Variants in MEIKIN observed in about 807,000 individuals in gnomAD.
The protein encoded by MEIKIN is meiosis-specific kinetochore protein.
chr5:131,846,350 A>G (rs1750022930), intron 11 of MEIKIN, among the ~76,000 whole-genome samples: 1 of 152,226 alleles, frequency 6.6e-6, no homozygotes, highest in South Asian at 2.1e-4. Flanking sequence ...ATCTAAATAA[A>G]GGCAAATAGA....
intron 12 of MEIKIN, among the ~76,000 whole-genome samples, chr5:131,810,014 A>G (rs531142256): frequency 1.1e-4 from 17 of 152,322 alleles, no homozygotes; most frequent in Admixed American, 5.9e-4. Context: ...CTATTTTACC[A>G]ATTTTACAGA....
intron 8 of MEIKIN, among the ~76,000 whole-genome samples, chr5:131,891,521 C>T (rs1009950793): frequency 2.0e-5 from 3 of 152,192 alleles, no homozygotes; most frequent in Non-Finnish European, 1.5e-5. Flanking sequence ...TCTGTTTTAT[C>T]AGAGACGAGG....
intron 10 of MEIKIN, among the ~76,000 whole-genome samples, chr5:131,853,198 T>C (rs1362343298): frequency 6.6e-6 from 1 of 152,302 alleles, no homozygotes; most frequent in East Asian, 1.9e-4. Flanking sequence ...TATAAATAAA[T>C]AACTACTGCA....
At chr5:131,859,309 C>T (rs10054618) in intron 9 of MEIKIN, among the ~76,000 whole-genome samples, 119,113 of 152,090 alleles carry the variant, frequency 0.78, 46,891 homozygotes, top group African/African-American at 0.83. Context: ...TTTTGGTAGA[C>T]AGTGATGATG....
At chr5:131,828,753 G>A (rs1749658327) in intron 11 of MEIKIN, among the ~76,000 whole-genome samples, 1 of 152,176 alleles carries the variant, frequency 6.6e-6, no homozygotes, top group Admixed American at 6.5e-5. Context: ...TCCATACCAG[G>A]TATGCAACAC....
chr5:131,896,865 C>A (rs1020890815), intron 8 of MEIKIN, among the ~76,000 whole-genome samples: 2 of 152,164 alleles, frequency 1.3e-5, no homozygotes, highest in African/African-American at 4.8e-5. Flanking sequence ...TTAATTGGGG[C>A]ATTTAGCCCA....
chr5:131,908,889 T>C (rs1238923688), intron 8 of MEIKIN, among the ~76,000 whole-genome samples: 2 of 152,050 alleles, frequency 1.3e-5, no homozygotes, highest in African/African-American at 4.8e-5. Context: ...ATCTCTACAA[T>C]GAAAACTATG....
At chr5:131,825,006 G>A (rs879310065) in intron 11 of MEIKIN, among the ~76,000 whole-genome samples, 2 of 151,684 alleles carry the variant, frequency 1.3e-5, no homozygotes, top group Admixed American at 6.6e-5. Context: ...GGTAATATAG[G>A]GAGACTTCAT....
At chr5:131,833,709 A>T (rs1749752981) in intron 11 of MEIKIN, among the ~76,000 whole-genome samples, 2 of 151,814 alleles carry the variant, frequency 1.3e-5, no homozygotes, top group Admixed American at 6.6e-5. Context: ...GGGAAAGACA[A>T]GCCCCCATGA....
chr5:131,833,093 G>A (rs1749742119), intron 11 of MEIKIN, among the ~76,000 whole-genome samples: 1 of 152,146 alleles, frequency 6.6e-6, no homozygotes, highest in Non-Finnish European at 1.5e-5. Flanking sequence ...AAACTGTAAG[G>A]CTGCAAAATT....
chr5:131,835,578 T>C (rs76420459), intron 11 of MEIKIN, among the ~76,000 whole-genome samples: 205 of 152,306 alleles, frequency 1.3e-3, no homozygotes, highest in African/African-American at 4.6e-3. Flanking sequence ...TTCTGTTTCA[T>C]TGGTGTATAT....
rs183891363 is a variant in MEIKIN, at chr5:131,861,107, T to G, written c.775-6273A>C. ...TCTTTTGGTTTTCTAAAAATAAGAA[T>G]AGGCCAAGTGCAGTGGTTCATGCCT... On this transcript the variant is annotated intron_variant, in intron 9 of 12. Transcript: ENST00000442687. Among the ~76,000 whole-genome samples the G allele has an allele frequency of 4.8e-3, 728 of 151,534 alleles. 5 individuals carry two copies. Among genetic ancestry groups the G allele is most frequent in the African/African-American group, 0.017 (690 of 41,326 alleles).
At chr5:131,918,816 T>C (rs1171113771) in intron 6 of MEIKIN, among the ~76,000 whole-genome samples, 4 of 152,216 alleles carry the variant, frequency 2.6e-5, no homozygotes, top group Non-Finnish European at 5.9e-5. Flanking sequence ...TCATTCTTTC[T>C]ACCAGGAACA....
intron 8 of MEIKIN, among the ~76,000 whole-genome samples, chr5:131,908,780 C>T (rs1751286532): frequency 6.6e-6 from 1 of 152,046 alleles, no homozygotes; most frequent in Non-Finnish European, 1.5e-5. Context: ...TTTCATATGC[C>T]AACTGTGAAC....
chr5:131,885,341 A>AAGG (rs1750764493), intron 8 of MEIKIN, among the ~76,000 whole-genome samples: 1 of 61,958 alleles, frequency 1.6e-5, no homozygotes, highest in Admixed American at 2.2e-4. Flanking sequence ...TCAGAACTGA[A>AAGG]AGAGAGAGAG....
At chr5:131,873,862 A>C (rs897365269) in intron 9 of MEIKIN, among the ~76,000 whole-genome samples, 7 of 152,238 alleles carry the variant, frequency 4.6e-5, no homozygotes, top group African/African-American at 1.7e-4. Context: ...ACTCAACTGC[A>C]TGGAAACTGA....
At chr5:131,914,569 A>C (rs1751383902) in intron 7 of MEIKIN, among the ~76,000 whole-genome samples, 1 of 54,650 alleles carries the variant, frequency 1.8e-5, no homozygotes, top group Non-Finnish European at 3.5e-5. Flanking sequence ...GGAAGGGGGA[A>C]GAGAAGGGAA....
At chr5:131,939,384 T>A (rs1445406336) in intron 4 of MEIKIN, among the ~76,000 whole-genome samples, 1 of 152,110 alleles carries the variant, frequency 6.6e-6, no homozygotes, top group Non-Finnish European at 1.5e-5. Flanking sequence ...TTTTTTTTTT[T>A]AAGATCTGTT....
chr5:131,831,206 T>A (rs992133573), intron 11 of MEIKIN, among the ~76,000 whole-genome samples: 9 of 152,266 alleles, frequency 5.9e-5, no homozygotes, highest in Non-Finnish European at 1.2e-4. Flanking sequence ...TCTAACAAGA[T>A]CCACTAAAGT....
Sources: allele counts gnomAD v4.1 joint callset (sites outside exome capture counted in the v4.1 genomes callset), GRCh38; gene constraint gnomAD v4.1.1; transcripts MANE v1.5; gene names NCBI Gene and HGNC (gene_info 2026-07-23, HGNC 2026-07-21).